TRIM67: variants seen among roughly 807,000 people sequenced by gnomAD.
TRIM67 encodes the protein tripartite motif containing 67.
TRIM67 carries 39 observed loss-of-function variants against 71.0 expected under a neutral mutation model. The observed-to-expected ratio is 0.55, with a 90% CI of 0.43 to 0.72. The LOEUF is 0.72. TRIM67 is among the 30% of genes least tolerant of loss of function. The pLI is 0.00. For synonymous variants in TRIM67, 481 were observed against 473.9 expected, an observed-to-expected ratio of 1.01 and a Z score of -0.19; for missense variants, 973 against 1,079.2, an observed-to-expected ratio of 0.90 and a Z score of 1.38.
intron 1 of TRIM67, among the ~76,000 whole-genome samples, chr1:231,178,494 T>C (rs1682813727): frequency 6.6e-6 from 1 of 152,238 alleles, no homozygotes; most frequent in South Asian, 2.1e-4. Flanking sequence ...CTGAGAATGC[T>C]GTGAAAGGAG....
Position 231,163,515 on chromosome 1 carries a change from C to T in TRIM67, c.546C>T (p.Leu182=), listed in dbSNP as rs900024686. ...GLRGFQRNRL[L]EAIVQRYQQG... ...GCGGCTTCCAGCGCAACCGGCTGCTCGAGGCCATCGTGCAGCGGTACCAGC... is the reference window on the plus strand; with the variant it reads ...GCGGCTTCCAGCGCAACCGGCTGCTTGAGGCCATCGTGCAGCGGTACCAGC... Residue 182 remains leucine, a synonymous_variant, in exon 1 of 10, where the codon CTC becomes CTT. Transcript: ENST00000366653. The T allele has an allele frequency of 5.9e-6, 9 of 1,517,204 alleles. No homozygotes were observed. The Admixed American group carries it at 1.0e-4, about 17-fold the overall frequency. 94.0% of individuals were successfully genotyped at this position (1,517,204 alleles called of 1,614,324 possible).
intron 5 of TRIM67, among the ~76,000 whole-genome samples, chr1:231,203,045 G>A (rs1392181331): frequency 1.3e-5 from 2 of 152,170 alleles, no homozygotes; most frequent in Admixed American, 6.5e-5. Context: ...CTCGTTAACT[G>A]AGGCTGGGAG....
chr1:231,217,110 C>T lies in TRIM67; in HGVS notation c.*1670C>T. ...CTGCCTGCCGGAGCCATGCAGGTACCCCCCCTCCACTCAGCAGGCCCGACA... is the reference window on the plus strand; with the variant it reads ...CTGCCTGCCGGAGCCATGCAGGTACTCCCCCTCCACTCAGCAGGCCCGACA... On this transcript the variant is annotated 3_prime_UTR_variant, in exon 10 of 10. Coordinates refer to ENST00000366653, the MANE Select transcript of TRIM67 (RefSeq NM_001004342.5). 1.0e-6 allele frequency: 1 copy of T among 985,856 alleles called. No individual in the cohort carries two copies. The highest frequency in any genetic ancestry group is 4.7e-5 in the South Asian group (1 of 21,278). The allele number at this position is 985,856 out of a possible 1,614,324, so 61.1% of individuals were successfully genotyped here. A position where few individuals can be genotyped will look rare whatever the true frequency, so the allele number is the denominator to read the frequency against.
Position 231,163,014 on chromosome 1 carries a change from G to T in TRIM67, c.45G>T (p.Arg15=). 6.2e-7 allele frequency: 1 copy of T among 1,612,842 alleles called. No individual in the cohort carries two copies. The highest frequency in any genetic ancestry group is 8.5e-7 in the Non-Finnish European group (1 of 1,179,406). The change falls in exon 1 of 10, where the codon CGG becomes CGT. Residue 15 remains arginine (R), a synonymous_variant. Transcript: ENST00000366653. ...LKCPVCGSLF[R]EPIILPCSHN... ...GTCCCGTGTGCGGCTCTCTGTTTCG[G>T]GAGCCTATCATCCTGCCCTGTTCCC...
chr1:231,200,289 G>A, intron 4 of TRIM67, 31 bp downstream of exon 4: 2 of 1,461,926 alleles, frequency 1.4e-6, no homozygotes, highest in South Asian at 1.1e-5. Flanking sequence ...CACAAAGTGG[G>A]CTTCCTCCAA....
intron 1 of TRIM67, among the ~76,000 whole-genome samples, chr1:231,190,549 G>A (rs1489731866): frequency 1.3e-5 from 2 of 152,068 alleles, no homozygotes; most frequent in East Asian, 3.9e-4. Flanking sequence ...TTCAGCCTGC[G>A]GCCCCCGGCG....
rs1450795547 is a variant in TRIM67, at chr1:231,220,634, TCAG to T, written c.*5195_*5197del. 2 of 152,298 alleles carry T rather than the reference TCAG, an allele frequency of 1.3e-5. No individual in the cohort carries two copies. The highest frequency in any genetic ancestry group is 6.5e-5 in the Admixed American group (1 of 15,290). 9.4% of individuals were successfully genotyped at this position (152,298 alleles called of 1,614,324 possible). A position where few individuals can be genotyped will look rare whatever the true frequency, so the allele number is the denominator to read the frequency against. ...GGGCTAGTGGGTCATCATGTCACTTTCAGATGACTGATAACCGCTGGGACTGCT... is the reference window on the plus strand; with the variant it reads ...GGGCTAGTGGGTCATCATGTCACTTTATGACTGATAACCGCTGGGACTGCT... On this transcript the variant is annotated 3_prime_UTR_variant, in exon 10 of 10. Coordinates refer to ENST00000366653, the MANE Select transcript of TRIM67 (RefSeq NM_001004342.5).
Position 231,219,689 on chromosome 1 carries a change from C to T in TRIM67, c.*4249C>T. 8.4e-7 allele frequency: 1 copy of T among 1,183,990 alleles called. No individual in the cohort carries two copies. The highest frequency in any genetic ancestry group is 1.6e-5 in the South Asian group (1 of 62,164). The allele number at this position is 1,183,990 out of a possible 1,614,324, so 73.3% of individuals were successfully genotyped here. On this transcript the variant is annotated 3_prime_UTR_variant, in exon 10 of 10. Transcript: ENST00000366653. ...CAGGAACTTCTTAATGGGTTTGTGGCCCTCAATTGGTTTTTAAAAAAATCT... is the reference window on the plus strand; with the variant it reads ...CAGGAACTTCTTAATGGGTTTGTGGTCCTCAATTGGTTTTTAAAAAAATCT...
intron 9 of TRIM67, among the ~76,000 whole-genome samples, chr1:231,214,702 C>T (rs1683965458): frequency 6.6e-6 from 1 of 150,994 alleles, no homozygotes; most frequent in Admixed American, 6.6e-5. Flanking sequence ...TGGCATGAAC[C>T]CGGGAGGCGG....
At position 231,219,940 on chromosome 1, in the gene TRIM67, T is replaced by G; in HGVS notation, c.*4500T>G. Reference sequence around the variant, plus strand: ...GACACCAAGTTCAGCCCTCGGTTACTTCCCTCTTTTAACCTGGCTTTAATA... The same window carrying G: ...GACACCAAGTTCAGCCCTCGGTTACGTCCCTCTTTTAACCTGGCTTTAATA... On this transcript the variant is annotated 3_prime_UTR_variant, in exon 10 of 10. Transcript: ENST00000366653. 5 of 1,289,898 alleles carry G rather than the reference T, an allele frequency of 3.9e-6. No individual in the cohort carries two copies. Among genetic ancestry groups the G allele is most frequent in the Non-Finnish European group, 5.1e-6 (5 of 988,886 alleles). 79.9% of individuals were successfully genotyped at this position (1,289,898 alleles called of 1,614,324 possible).
chr1:231,214,764 G>GCGA (rs1683969176), intron 9 of TRIM67, among the ~76,000 whole-genome samples: 2 of 138,912 alleles, frequency 1.4e-5, no homozygotes, highest in African/African-American at 5.4e-5. Flanking sequence ...GGGTGATAGA[G>GCGA]CGAGACTTCA....
intron 1 of TRIM67, among the ~76,000 whole-genome samples, chr1:231,165,065 G>A (rs1473319030): frequency 6.6e-6 from 1 of 152,148 alleles, no homozygotes; most frequent in Non-Finnish European, 1.5e-5. Context: ...TCTCAACTGT[G>A]TCCAATTTTC....
At chr1:231,194,430 G>A (rs951740268) in intron 1 of TRIM67, among the ~76,000 whole-genome samples, 2 of 152,194 alleles carry the variant, frequency 1.3e-5, no homozygotes, top group African/African-American at 4.8e-5. Context: ...ATTTGATAAA[G>A]GTTCATTGGA....
In TRIM67 at chr1:231,203,855, TC is replaced by T; in HGVS notation, c.1535-7del. The T allele has an allele frequency of 6.2e-7, 1 of 1,610,770 alleles. No homozygotes were observed. The highest frequency in any genetic ancestry group is 8.5e-7 in the Non-Finnish European group (1 of 1,178,816). ...GGCTTCCTGCGCTAACTCATGTGTG[TC>T]CCCCTCGCAGTGCCACCCGTCCCCC... On this transcript the variant is annotated splice_polypyrimidine_tract_variant and intron_variant, in intron 5 of 9. Coordinates refer to ENST00000366653, the MANE Select transcript of TRIM67 (RefSeq NM_001004342.5).
chr1:231,206,223 T>A (rs61394534), intron 6 of TRIM67, among the ~76,000 whole-genome samples: 11,096 of 151,436 alleles, frequency 0.073, 634 homozygotes, highest in East Asian at 0.21. Context: ...AGGTCAAGAG[T>A]TCGAGACCAG....
In TRIM67 at chr1:231,199,181, G is replaced by A; in HGVS notation, c.1263+12G>A. The A allele has an allele frequency of 6.2e-7, 1 of 1,613,684 alleles. No homozygotes were observed. Among genetic ancestry groups the A allele is most frequent in the Non-Finnish European group, 8.5e-7 (1 of 1,179,700 alleles). The stretch of plus-strand genomic sequence containing the variant: ...AACACAAGTTGAAGGTAGGTACCTG[G>A]GGGACTGACACATTGAATCCCTGCC... On this transcript the variant is annotated intron_variant, in intron 3 of 9. Coordinates refer to ENST00000366653, the MANE Select transcript of TRIM67 (RefSeq NM_001004342.5).
chr1:231,200,370 C>G, intron 4 of TRIM67, 112 bp downstream of exon 4: 1 of 675,888 alleles, frequency 1.5e-6, no homozygotes, highest in Non-Finnish European at 2.7e-6. Context: ...TGAGTAGATT[C>G]TCCTTTGTTC....
In TRIM67 at chr1:231,215,744, T is replaced by A. The variant is rs60055409; in HGVS notation, c.*304T>A. On this transcript the variant is annotated 3_prime_UTR_variant, in exon 10 of 10. Transcript: ENST00000366653. Reference sequence around the variant, plus strand: ...AGGGAGTCAGCATTCGGGCTTCATGTCTATGTTTCCTGCCATCTGTTTTCA... The same window carrying A: ...AGGGAGTCAGCATTCGGGCTTCATGACTATGTTTCCTGCCATCTGTTTTCA... 0.028 allele frequency: 33,069 copies of A among 1,173,972 alleles called. 1,740 individuals are homozygous for A. Among genetic ancestry groups the A allele is most frequent in the African/African-American group, 0.21 (13,423 of 63,258 alleles). The allele number at this position is 1,173,972 out of a possible 1,614,324, so 72.7% of individuals were successfully genotyped here.
intron 1 of TRIM67, among the ~76,000 whole-genome samples, chr1:231,173,266 G>C (rs1682659548): frequency 4.6e-5 from 7 of 152,222 alleles, no homozygotes; most frequent in Admixed American, 2.6e-4. Flanking sequence ...CTTAGGCAGG[G>C]CCAGACACAG....
Sources: allele counts gnomAD v4.1 joint callset (sites outside exome capture counted in the v4.1 genomes callset), GRCh38; gene constraint gnomAD v4.1.1; transcripts MANE v1.5; gene names NCBI Gene and HGNC (gene_info 2026-07-23, HGNC 2026-07-21).